EP300: variants seen among roughly 807,000 people sequenced by gnomAD.
The protein encoded by EP300 is histone acetyltransferase p300.
A neutral mutation model predicts 264.0 loss-of-function variants in EP300; 31 were observed. That is an observed-to-expected ratio of 0.12 (90% CI 0.09 to 0.16). The LOEUF is 0.16. Among genes scored for constraint, EP300 ranks in the 10% least tolerant of loss-of-function variants. The pLI is 1.00. For synonymous variants in EP300, 1,340 were observed against 1,045.4 expected, an observed-to-expected ratio of 1.28 and a Z score of -5.44; for missense variants, 2,766 against 3,052.9, an observed-to-expected ratio of 0.91 and a Z score of 2.21.
At chr22:41,140,355 C>T (rs914373141) in intron 9 of EP300, 98 bp downstream of exon 9, 12 of 849,580 alleles carry the variant, frequency 1.4e-5, no homozygotes, top group Middle Eastern at 2.2e-4. Flanking sequence ...ATGCTTCAGA[C>T]GGGGGACACG....
rs2059224658 is a variant in EP300 at position 41,179,210 on chromosome 22, A to G, written c.*254A>G. On this transcript the variant is annotated 3_prime_UTR_variant, in exon 31 of 31. Transcript: ENST00000263253. ...TTCTTCCCCTTTGTGTGTGTGGTTC[A>G]AGTGTGCACTGGGAGGAGGCTGAGG... The G allele has an allele frequency of 1.9e-6, 1 of 526,104 alleles. No homozygotes were observed. The allele number at this position is 526,104 out of a possible 1,614,324, so 32.6% of individuals were successfully genotyped here.
chr22:41,120,065 C>T (rs1343150386), intron 2 of EP300, among the ~76,000 whole-genome samples: 3 of 152,146 alleles, frequency 2.0e-5, no homozygotes, highest in Non-Finnish European at 2.9e-5. Context: ...CTGCCCACCT[C>T]GGCCTCCCAA....
intron 1 of EP300, among the ~76,000 whole-genome samples, chr22:41,104,532 C>T (rs1049148779): frequency 5.9e-5 from 9 of 152,048 alleles, no homozygotes; most frequent in Admixed American, 2.0e-4. Flanking sequence ...TCAGGCGATC[C>T]GCCCGCCTCG....
chr22:41,138,868 AAT>A (rs1260986009), intron 8 of EP300, among the ~76,000 whole-genome samples: 1 of 152,158 alleles, frequency 6.6e-6, no homozygotes, highest in East Asian at 1.9e-4. Flanking sequence ...TCAAACTACC[AAT>A]TATATACGTT....
At chr22:41,115,513 A>G (rs2058816033) in intron 1 of EP300, among the ~76,000 whole-genome samples, 1 of 152,076 alleles carries the variant, frequency 6.6e-6, no homozygotes, top group African/African-American at 2.4e-5. Context: ...GCTCACTACA[A>G]CCTCAAATTC....
Position 41,150,151 on chromosome 22 carries a change from G to T in EP300, c.2770G>T (p.Val924Phe). 1.2e-6 allele frequency: 2 copies of T among 1,611,938 alleles called. No homozygotes were observed. The highest frequency in any genetic ancestry group is 2.2e-5 in the East Asian group (1 of 44,848). Reference protein sequence around the residue: ...PRSQQSTAASVPTPTAPLLPP... With the variant: ...PRSQQSTAASFPTPTAPLLPP... ...CTCACAGCAGAGCACAGCAGCGTCT[G>T]TTCCTACCCCAACAGCACCGCTGCT... The change falls in exon 14 of 31, where the codon GTT becomes TTT. Residue 924 changes from valine to phenylalanine, a missense_variant. Physicochemically the swap from Val to Phe is conservative, Grantham distance 50. Transcript: ENST00000263253.
At chr22:41,132,286 C>CTTTTTTT (rs532779902) in intron 6 of EP300, among the ~76,000 whole-genome samples, 1 of 56,760 alleles carries the variant, frequency 1.8e-5, no homozygotes, top group Non-Finnish European at 3.5e-5. Context: ...TTCTTTCATT[C>CTTTTTTT]TTTTTTTTTT....
chr22:41,173,664 T>G lies in EP300; in HGVS notation c.4659T>G (p.Asn1553Lys). 1 of 1,614,038 alleles carries G rather than the reference T, an allele frequency of 6.2e-7. No homozygotes were observed. Among genetic ancestry groups the G allele is most frequent in the East Asian group, 2.2e-5 (1 of 44,888 alleles). Residue 1553 changes from asparagine (N) to lysine (K), a missense_variant, in exon 29 of 31, where the codon AAT (asparagine) becomes AAG (lysine). By Grantham distance (94) the Asn-to-Lys change is moderately conservative. Coordinates refer to ENST00000263253, the MANE Select transcript of EP300 (RefSeq NM_001429.4). Reference sequence around the variant, plus strand: ...GCAAAAATGCTAAAAAGAAGAATAATAAGAAAACCAGCAAAAATAAGAGCA... The same window carrying G: ...GCAAAAATGCTAAAAAGAAGAATAAGAAGAAAACCAGCAAAAATAAGAGCA... ...GDSKNAKKKN[N>K]KKTSKNKSSL...
intron 2 of EP300, among the ~76,000 whole-genome samples, chr22:41,123,809 A>G (rs2058865561): frequency 6.6e-6 from 1 of 152,212 alleles, no homozygotes; most frequent in African/African-American, 2.4e-5. Flanking sequence ...AAATAATTTG[A>G]AAGATTAATG....
intron 1 of EP300, among the ~76,000 whole-genome samples, chr22:41,096,619 T>C: frequency 6.8e-6 from 1 of 148,098 alleles, no homozygotes; most frequent in East Asian, 1.9e-4. Flanking sequence ...CTACTTTTTT[T>C]TTTTTTTTTT....
At chr22:41,093,524 A>G (rs562992781) in intron 1 of EP300, among the ~76,000 whole-genome samples, 3 of 152,230 alleles carry the variant, frequency 2.0e-5, no homozygotes, top group African/African-American at 7.2e-5. Flanking sequence ...CCACTCTTCG[A>G]AATTTTCTCT....
chr22:41,168,254 T>C (rs1462072244), intron 23 of EP300, 195 bp from the exon 24 acceptor site: 12 of 607,108 alleles, frequency 2.0e-5, no homozygotes, highest in African/African-American at 9.3e-5. Context: ...TAGAATGATA[T>C]GAAGATTAGC....
In EP300 at chr22:41,130,441, A is replaced by T. The variant is rs551122873; in HGVS notation, c.1282+438A>T. Among the ~76,000 whole-genome samples, 114 of 152,070 alleles carry T rather than the reference A, an allele frequency of 7.5e-4. 1 individual carries two copies. The highest frequency in any genetic ancestry group is 2.1e-3 in the African/African-American group (88 of 41,488). ...TGGTGTGCCTGGCTGAGATGAGAGG[A>T]TTGCTTGAATCCAGGAGGTGGAGGC... On this transcript the variant is annotated intron_variant, in intron 5 of 30. Transcript: ENST00000263253.
At position 41,179,876 on chromosome 22, in the gene EP300, C is replaced by CCA. The variant is rs886057578; in HGVS notation, c.*922_*923dup. The CCA allele has an allele frequency of 6.6e-4, 87 of 131,472 alleles. 2 individuals are homozygous for CCA. The highest frequency in any genetic ancestry group is 1.7e-3 in the Middle Eastern group (1 of 588). The allele number at this position is 131,472 out of a possible 1,614,324, so 8.1% of individuals were successfully genotyped here. A position where few individuals can be genotyped will look rare whatever the true frequency, so the allele number is the denominator to read the frequency against. Reference sequence around the variant, plus strand: ...GCTTTCTTCCTCCTTACCCTACCCCCCACTCACACACACACACACACACAC... The same window carrying CCA: ...GCTTTCTTCCTCCTTACCCTACCCCCCACACTCACACACACACACACACACAC... On this transcript the variant is annotated 3_prime_UTR_variant, in exon 31 of 31. Transcript: ENST00000263253.
rs145863376 is a variant in EP300 at position 41,149,135 on chromosome 22, T to C, written c.2339T>C (p.Ile780Thr). The C allele has an allele frequency of 6.2e-6, 10 of 1,613,946 alleles. No homozygotes were observed. Among genetic ancestry groups the C allele is most frequent in the Non-Finnish European group, 7.6e-6 (9 of 1,179,986 alleles). The change falls in exon 13 of 31, where the codon ATC (isoleucine) becomes ACC (threonine). Residue 780 changes from isoleucine (I) to threonine (T), a missense_variant. Ile to Thr is a moderately conservative substitution (Grantham distance 89). Transcript: ENST00000263253. ...TCACAGGGAATGAATGTAACAAATA[T>C]CCCTTTGGCTCCGTCCAGCGGTCAA... ...FPSQGMNVTN[I>T]PLAPSSGQAP... is the part of the protein sequence containing the mutation.
At chr22:41,117,122 T>TA in intron 1 of EP300, 65 bp from the exon 2 acceptor site, 1 of 1,351,874 alleles carries the variant, frequency 7.4e-7, no homozygotes, top group Non-Finnish European at 1.1e-6. Context: ...TTGAGAACAA[T>TA]ATAGAGCAGT....
intron 29 of EP300, 106 bp downstream of exon 29, chr22:41,173,890 T>G (rs894984311): frequency 7.5e-7 from 1 of 1,328,012 alleles, no homozygotes; most frequent in Non-Finnish European, 1.1e-6. Flanking sequence ...GGCGGGTGGA[T>G]CACCTGAGGT....
intron 1 of EP300, among the ~76,000 whole-genome samples, chr22:41,094,129 A>G (rs1376275069): frequency 6.6e-6 from 1 of 152,170 alleles, no homozygotes; most frequent in East Asian, 1.9e-4. Context: ...AGTTAGTTTA[A>G]TGGTGTTATC....
At chr22:41,167,592 A>G (rs1240439887) in intron 23 of EP300, among the ~76,000 whole-genome samples, 425 of 8,484 alleles carry the variant, frequency 0.05, 4 homozygotes, top group East Asian at 0.12. Context: ...GTGTATATAT[A>G]TATATATATA....
Sources: gnomAD v4.1 joint callset for allele counts (sites outside exome capture counted in the v4.1 genomes callset) on GRCh38, gnomAD v4.1.1 for gene constraint, MANE v1.5 for transcripts, NCBI Gene and HGNC (gene_info 2026-07-23, HGNC 2026-07-21) for gene names.